The following ZNF618 variants were observed in gnomAD, a reference collection of about 807,000 sequenced individuals.
ZNF618 encodes the protein neural precursor cell expressed, developmentally down-regulated 10.
Under a neutral mutation model 103.0 loss-of-function variants are expected in ZNF618, and 34 were observed. That is an observed-to-expected ratio of 0.33 (90% CI 0.25 to 0.44). The LOEUF (loss-of-function observed/expected upper bound fraction) is 0.44, where lower values mean the gene tolerates loss of function less well. Among genes scored for constraint, ZNF618 ranks in the 20% least tolerant of loss-of-function variants. The pLI is 1.00. For missense variants in ZNF618, 1,059 were observed against 1,295.4 expected (o/e 0.82, Z 2.80); for synonymous variants, 551 against 542.2 (o/e 1.02, Z -0.23).
At chr9:114,007,776 A>G (rs867674285) in intron 7 of ZNF618, among the ~76,000 whole-genome samples, 4 of 152,248 alleles carry the variant, frequency 2.6e-5, no homozygotes, top group Admixed American at 6.5e-5. Context: ...TTAAAAAACG[A>G]ATGATGGCCT....
chr9:113,928,267 C>A (rs905297780), intron 1 of ZNF618, among the ~76,000 whole-genome samples: 8 of 152,170 alleles, frequency 5.3e-5, no homozygotes. Context: ...TCGTTTCATT[C>A]TTTCCTATAG....
intron 10 of ZNF618, among the ~76,000 whole-genome samples, chr9:114,027,050 T>C (rs897750130): frequency 6.6e-6 from 1 of 152,050 alleles, no homozygotes; most frequent in African/African-American, 2.4e-5. Context: ...GCAGTGATAT[T>C]AGAAATGGAC....
chr9:114,029,688 G>A (rs564309572), intron 11 of ZNF618, among the ~76,000 whole-genome samples: 155 of 152,206 alleles, frequency 1.0e-3, no homozygotes, highest in African/African-American at 3.5e-3. Context: ...AGGATAAGCC[G>A]GATGGTTGAC....
At chr9:113,905,361 G>A (rs1369374291) in intron 1 of ZNF618, among the ~76,000 whole-genome samples, 1 of 152,312 alleles carries the variant, frequency 6.6e-6, no homozygotes, top group Non-Finnish European at 1.5e-5. Context: ...TGTTCAGCAA[G>A]ACCAGAGCAA....
Position 114,035,163 on chromosome 9 carries a change from A to C in ZNF618, c.1169-1137A>C, listed in dbSNP as rs1844473387. The C allele has an allele frequency of 5.1e-6, 5 of 985,826 alleles. No individual in the cohort carries two copies. In the South Asian group the frequency reaches 1.9e-4, roughly 37 times the overall value. 61.1% of individuals were successfully genotyped at this position (985,826 alleles called of 1,614,324 possible). The stretch of plus-strand genomic sequence containing the variant: ...CAGCACAGAACAGCAGAACTAGAAG[A>C]GATGGCTAAACTGTTTCTCTTTTGC... On this transcript the variant is annotated intron_variant, in intron 12 of 14. Coordinates refer to ENST00000374126, the MANE Select transcript of ZNF618 (RefSeq NM_001318042.2).
In ZNF618 at chr9:113,930,064, T is replaced by C. The variant is rs1368265428; in HGVS notation, c.34-39053T>C. Among the ~76,000 whole-genome samples the C allele has an allele frequency of 2.0e-5, 3 of 152,178 alleles. No homozygotes were observed. In the East Asian group the frequency reaches 5.8e-4, roughly 29 times the overall value. On this transcript the variant is annotated intron_variant, in intron 1 of 14. Transcript: ENST00000374126. ...TGTTCTGGGAGGAGTGGAGTGGTCC[T>C]AGGTTGTGATAAACCAATGGCCCTC...
At chr9:113,950,852 G>T (rs1186927763) in intron 1 of ZNF618, among the ~76,000 whole-genome samples, 1 of 151,946 alleles carries the variant, frequency 6.6e-6, no homozygotes, top group Non-Finnish European at 1.5e-5. Context: ...TTAAAAGATG[G>T]GGAGGAGAGT....
At chr9:114,004,038 AC>A (rs1171167117) in intron 6 of ZNF618, among the ~76,000 whole-genome samples, 2 of 152,162 alleles carry the variant, frequency 1.3e-5, no homozygotes, top group Non-Finnish European at 2.9e-5. Flanking sequence ...CCACACCATC[AC>A]AAAAAAAGAT....
chr9:114,030,175 G>C lies in ZNF618; in HGVS notation c.1084+1203G>C, dbSNP rs529353137. Among the ~76,000 whole-genome samples, 7 of 152,312 alleles carry C rather than the reference G, an allele frequency of 4.6e-5. No homozygotes were observed. In the South Asian group the frequency reaches 1.5e-3, roughly 32 times the overall value. The stretch of plus-strand genomic sequence containing the variant: ...CTTTCCTTTACTCCTCAGTTCAGGA[G>C]GCTAATTTTGGGCAAGGGCGTGATT... On this transcript the variant is annotated intron_variant, in intron 11 of 14. Transcript: ENST00000374126.
At chr9:114,008,910 C>T (rs1455928472) in intron 9 of ZNF618, among the ~76,000 whole-genome samples, 1 of 152,174 alleles carries the variant, frequency 6.6e-6, no homozygotes, top group African/African-American at 2.4e-5. Context: ...TAAATGAGAT[C>T]CTGGATGTGA....
In ZNF618 at chr9:113,895,682, G is replaced by T. The variant is rs73552335; in HGVS notation, c.33+19269G>T. Among the ~76,000 whole-genome samples the T allele has an allele frequency of 3.8e-3, 576 of 152,256 alleles. 2 individuals carry two copies. The highest frequency in any genetic ancestry group is 0.013 in the African/African-American group (546 of 41,578). ...GAGAAGGATTCTGAGGCCTTGTCATGTGTAAACAATTTAGTGTTTTGTAAG... is the reference window on the plus strand; with the variant it reads ...GAGAAGGATTCTGAGGCCTTGTCATTTGTAAACAATTTAGTGTTTTGTAAG... On this transcript the variant is annotated intron_variant, in intron 1 of 14. Transcript: ENST00000374126.
intron 10 of ZNF618, among the ~76,000 whole-genome samples, chr9:114,025,374 T>G (rs1164045462): frequency 6.6e-6 from 1 of 152,270 alleles, no homozygotes; most frequent in African/African-American, 2.4e-5. Flanking sequence ...TTCTCTAAAT[T>G]TCTTTGCTCC....
At position 113,992,608 on chromosome 9, in the gene ZNF618, G is replaced by A. The variant is rs144875534; in HGVS notation, c.337+4028G>A. On this transcript the variant is annotated intron_variant, in intron 3 of 14. Transcript: ENST00000374126. ...CTGAGTACTTCGCTAACCCAGCCTCGCTCCGGGCTCAGAGACGGGCTCTGT... is the reference window on the plus strand; with the variant it reads ...CTGAGTACTTCGCTAACCCAGCCTCACTCCGGGCTCAGAGACGGGCTCTGT... 1.5e-3 allele frequency among the ~76,000 whole-genome samples: 230 copies of A among 152,248 alleles called. 1 individual carries two copies. The highest frequency in any genetic ancestry group is 4.3e-3 in the Admixed American group (66 of 15,296).
chr9:113,892,103 T>G (rs997349777), intron 1 of ZNF618, among the ~76,000 whole-genome samples: 1 of 152,162 alleles, frequency 6.6e-6, no homozygotes. Context: ...GGTGAGAGTT[T>G]CAGTTTTGTA....
rs769598220 is a variant in ZNF618 at position 114,002,021 on chromosome 9, C to G, written c.459C>G (p.Gly153=). 6.2e-7 allele frequency: 1 copy of G among 1,613,956 alleles called. No homozygotes were observed. Among genetic ancestry groups the G allele is most frequent in the Non-Finnish European group, 8.5e-7 (1 of 1,179,852 alleles). Residue 153 remains glycine, a synonymous_variant, in exon 5 of 15, where the codon GGC becomes GGG. Coordinates refer to ENST00000374126, the MANE Select transcript of ZNF618 (RefSeq NM_001318042.2). ...ASGSYECGIC[G]KKYKYYNCFQ... is the part of the protein sequence containing the mutation. ...GGTCTTACGAATGCGGAATCTGTGG[C>G]AAGAAGTACAAGTATTACAACTGCT...
At position 114,049,106 on chromosome 9, in the gene ZNF618, G is replaced by A. The variant is rs1254706991; in HGVS notation, c.1804G>A (p.Val602Met). 3.7e-6 allele frequency: 6 copies of A among 1,613,890 alleles called. No individual in the cohort carries two copies. The highest frequency in any genetic ancestry group is 5.1e-6 in the Non-Finnish European group (6 of 1,179,912). Residue 602 changes from valine to methionine, a missense_variant, in exon 15 of 15, where the codon GTG becomes ATG. Val to Met is a conservative substitution (Grantham distance 21). Around this residue, in one of 6 missense-constraint regions of ZNF618, gnomAD observed 272 missense variants for 380.1 expected, o/e 0.72. Coordinates refer to ENST00000374126, the MANE Select transcript of ZNF618 (RefSeq NM_001318042.2). ...GDLVHHWVQN[V>M]LSEFVMSEIR... ...CCTTGTGCACCACTGGGTGCAGAAC[G>A]TGCTGTCGGAGTTCGTGATGTCGGA...
At chr9:113,979,199 C>T (rs150417386) in intron 2 of ZNF618, among the ~76,000 whole-genome samples, 280 of 152,254 alleles carry the variant, frequency 1.8e-3, no homozygotes, top group African/African-American at 6.5e-3. Flanking sequence ...CAAAGAGGAG[C>T]GTTTCCAGAA....
At chr9:113,889,526 A>G (rs766562933) in intron 1 of ZNF618, among the ~76,000 whole-genome samples, 17 of 152,234 alleles carry the variant, frequency 1.1e-4, no homozygotes, top group Admixed American at 3.9e-4. Context: ...ACTTCACCAC[A>G]TTGTATTGAT....
intron 10 of ZNF618, among the ~76,000 whole-genome samples, chr9:114,019,214 TA>T (rs1312090366): frequency 2.6e-5 from 4 of 152,268 alleles, no homozygotes; most frequent in Admixed American, 2.0e-4. Flanking sequence ...AGCAATGTTC[TA>T]TTGTATGAAA....
Sources: gnomAD v4.1 joint callset for allele counts (sites outside exome capture counted in the v4.1 genomes callset) on GRCh38, gnomAD v4.1.1 for gene constraint, gnomAD v4.1.1 regional missense constraint, MANE v1.5 for transcripts, NCBI Gene and HGNC (gene_info 2026-07-23, HGNC 2026-07-21) for gene names.